The following TRIM48 variants were observed in gnomAD, a reference collection of about 807,000 sequenced individuals.
TRIM48 encodes the protein E3 ubiquitin-protein ligase TRIM48.
Under a neutral mutation model 29.5 loss-of-function variants are expected in TRIM48, and 31 were observed. The observed-to-expected ratio is 1.05, with a 90% CI of 0.79 to 1.42. The LOEUF (loss-of-function observed/expected upper bound fraction) is 1.42, where lower values mean the gene tolerates loss of function less well. Among genes scored for constraint, TRIM48 ranks in the 40% most tolerant of loss-of-function variants. The pLI is 0.00. For synonymous variants in TRIM48, 128 were observed against 90.6 expected, an observed-to-expected ratio of 1.41 and a Z score of -2.34; for missense variants, 344 against 265.0, an observed-to-expected ratio of 1.30 and a Z score of -2.07.
chr11:55,267,538 T>C, intron 3 of TRIM48: 3 of 1,575,960 alleles, frequency 1.9e-6, no homozygotes, highest in East Asian at 2.4e-5. Flanking sequence ...ATCAACTTCA[T>C]TTAAGTAAAG....
At chr11:55,263,913 C>CT (rs1199070887) in intron 1 of TRIM48, among the ~76,000 whole-genome samples, 1 of 152,130 alleles carries the variant, frequency 6.6e-6, no homozygotes, top group African/African-American at 2.4e-5. Context: ...TTCCTCTGGC[C>CT]TTTTCCTTTT....
chr11:55,265,010 G>A lies in TRIM48; in HGVS notation c.155G>A (p.Arg52Lys), dbSNP rs759459109. 4 of 1,584,656 alleles carry A rather than the reference G, an allele frequency of 2.5e-6. No homozygotes were observed. Among genetic ancestry groups the A allele is most frequent in the Non-Finnish European group, 3.4e-6 (4 of 1,166,448 alleles). The change falls in exon 2 of 6, where the codon AGG becomes AAG. Residue 52 changes from arginine to lysine, a missense_variant. Arg to Lys is a conservative substitution (Grantham distance 26). Transcript: ENST00000417545. ...VTIDCGHSFC[R>K]PCFYLNWQDI... ...ATAGACTGTGGGCACAGCTTTTGCAGGCCCTGTTTCTACCTCAACTGGCAA... is the reference window on the plus strand; with the variant it reads ...ATAGACTGTGGGCACAGCTTTTGCAAGCCCTGTTTCTACCTCAACTGGCAA...
At chr11:55,265,986 C>T (rs1229977961) in intron 3 of TRIM48, among the ~76,000 whole-genome samples, 1 of 147,340 alleles carries the variant, frequency 6.8e-6, no homozygotes, top group Non-Finnish European at 1.5e-5. Flanking sequence ...TCACAGCATT[C>T]TATATGTGCT....
chr11:55,263,821 A>G (rs183143887), intron 1 of TRIM48, among the ~76,000 whole-genome samples: 112 of 152,330 alleles, frequency 7.4e-4, no homozygotes, highest in African/African-American at 2.5e-3. Context: ...AAGCTGATGT[A>G]GTGAGGATAC....
In TRIM48 at chr11:55,270,535, C is replaced by A. The variant is rs879058588; in HGVS notation, c.*100C>A. The stretch of plus-strand genomic sequence containing the variant: ...TGGATGTGACCGTCAAAATCCGCCC[C>A]ATATCACTGCAACACCTACAAGTTT... On this transcript the variant is annotated 3_prime_UTR_variant, in exon 6 of 6. Transcript: ENST00000417545. 5.1e-6 allele frequency: 8 copies of A among 1,582,178 alleles called. 1 individual carries two copies. Among genetic ancestry groups the A allele is most frequent in the South Asian group, 2.4e-5 (2 of 83,604 alleles).
chr11:55,269,822 A>G (rs1468236706), intron 5 of TRIM48, among the ~76,000 whole-genome samples: 3 of 148,032 alleles, frequency 2.0e-5, no homozygotes, highest in Non-Finnish European at 4.5e-5. Flanking sequence ...AAAAGAAATC[A>G]TTTTGTGAAT....
In TRIM48 at chr11:55,270,704, G is replaced by A. The variant is rs575091406; in HGVS notation, c.*269G>A. ...AATGGCAATATATATGGAGAGGAGG[G>A]ACTCTTTAGTCTTGGGTGTGTTAAG... On this transcript the variant is annotated 3_prime_UTR_variant, in exon 6 of 6. Transcript: ENST00000417545. 6.4e-6 allele frequency: 10 copies of A among 1,560,528 alleles called. 2 individuals carry two copies. The African/African-American group carries it at 8.2e-5, about 13-fold the overall frequency.
rs1041484574 is a variant in TRIM48 at position 55,265,031 on chromosome 11, G to A, written c.176G>A (p.Trp59Ter). 4 of 1,583,976 alleles carry A rather than the reference G, an allele frequency of 2.5e-6. No individual in the cohort carries two copies. Among genetic ancestry groups the A allele is most frequent in the African/African-American group, 1.4e-5 (1 of 73,524 alleles). ...TGCAGGCCCTGTTTCTACCTCAACTGGCAAGACATCCCAATTCTTACTCAG... is the reference window on the plus strand; with the variant it reads ...TGCAGGCCCTGTTTCTACCTCAACTAGCAAGACATCCCAATTCTTACTCAG... Reference protein sequence around the residue: ...SFCRPCFYLNWQDIPILTQCF... With the variant: ...SFCRPCFYLN The change falls in exon 2 of 6, where the codon TGG becomes TAG. Residue 59 changes from tryptophan (W) to a stop codon, truncating the protein, a stop_gained. Coordinates refer to ENST00000417545, the MANE Select transcript of TRIM48 (RefSeq NM_024114.5). LOFTEE classifies it high-confidence loss of function.
Position 55,271,099 on chromosome 11 carries a change from A to G in TRIM48, c.*664A>G, listed in dbSNP as rs1857480482. 8 of 926,078 alleles carry G rather than the reference A, an allele frequency of 8.6e-6. 1 individual carries two copies. The highest frequency in any genetic ancestry group is 9.1e-6 in the Non-Finnish European group (6 of 661,448). 57.4% of individuals were successfully genotyped at this position (926,078 alleles called of 1,614,324 possible). A position where few individuals can be genotyped will look rare whatever the true frequency, so the allele number is the denominator to read the frequency against. On this transcript the variant is annotated 3_prime_UTR_variant, in exon 6 of 6. Coordinates refer to ENST00000417545, the MANE Select transcript of TRIM48 (RefSeq NM_024114.5). Reference sequence around the variant, plus strand: ...CATTTATTGTGTTACTATTAAATGTAGTAAAAACACTAAAAGTATATATAT... The same window carrying G: ...CATTTATTGTGTTACTATTAAATGTGGTAAAAACACTAAAAGTATATATAT...
chr11:55,263,130 T>C (rs1857330320), intron 1 of TRIM48, among the ~76,000 whole-genome samples: 1 of 152,102 alleles, frequency 6.6e-6, no homozygotes, highest in Admixed American at 6.6e-5. Context: ...AAACCACACA[T>C]GGTGGTCACA....
intron 3 of TRIM48, among the ~76,000 whole-genome samples, chr11:55,266,275 A>G (rs996457098): frequency 6.8e-6 from 1 of 147,870 alleles, no homozygotes; most frequent in South Asian, 2.4e-4. Flanking sequence ...CATGCCCAAA[A>G]TATGGGAACT....
chr11:55,269,595 C>A lies in TRIM48; in HGVS notation c.*1+256C>A, dbSNP rs1438245935. On this transcript the variant is annotated intron_variant, in intron 5 of 5. Coordinates refer to ENST00000417545, the MANE Select transcript of TRIM48 (RefSeq NM_024114.5). ...TAATGGGAAAAAAGGAGTAGTGTAG[C>A]AAATCTAAAAAAGGAGCAAATGGAA... 2.0e-4 allele frequency among the ~76,000 whole-genome samples: 29 copies of A among 147,188 alleles called. 2 individuals carry two copies. The highest frequency in any genetic ancestry group is 3.4e-4 in the Non-Finnish European group (23 of 66,784).
chr11:55,269,223 T>C lies in TRIM48; in HGVS notation c.579-19T>C. On this transcript the variant is annotated intron_variant, in intron 4 of 5. Coordinates refer to ENST00000417545, the MANE Select transcript of TRIM48 (RefSeq NM_024114.5). Reference sequence around the variant, plus strand: ...ATTTTATGGCTGTAGATGTTGTAACTGCAGGTTTTTCCTTGCAGGAGTGAG... The same window carrying C: ...ATTTTATGGCTGTAGATGTTGTAACCGCAGGTTTTTCCTTGCAGGAGTGAG... The C allele has an allele frequency of 6.4e-6, 10 of 1,571,180 alleles. No homozygotes were observed. Among genetic ancestry groups the C allele is most frequent in the Non-Finnish European group, 8.6e-6 (10 of 1,165,360 alleles).
intron 1 of TRIM48, among the ~76,000 whole-genome samples, chr11:55,262,919 A>G (rs1857326055): frequency 6.6e-6 from 1 of 152,136 alleles, no homozygotes. Context: ...TGACCTCTGG[A>G]GAATATTTAC....
chr11:55,264,260 C>A (rs1857352055), intron 1 of TRIM48, among the ~76,000 whole-genome samples: 1 of 148,008 alleles, frequency 6.8e-6, no homozygotes, highest in Admixed American at 6.8e-5. Flanking sequence ...TTCTATTCAA[C>A]CTAAATTGGT....
chr11:55,269,753 AT>A (rs1328691312), intron 5 of TRIM48, among the ~76,000 whole-genome samples: 1 of 147,700 alleles, frequency 6.8e-6, no homozygotes, highest in East Asian at 2.1e-4. Context: ...GGGTTTTTTA[AT>A]TTTTTAAATG....
intron 3 of TRIM48, among the ~76,000 whole-genome samples, chr11:55,266,009 G>T (rs1223047757): frequency 1.4e-5 from 2 of 147,208 alleles, no homozygotes; most frequent in African/African-American, 5.0e-5. Flanking sequence ...TTGGATAAAT[G>T]CTGGGCATAA....
intron 1 of TRIM48, among the ~76,000 whole-genome samples, chr11:55,263,197 A>G (rs1487709955): frequency 6.6e-6 from 1 of 152,178 alleles, no homozygotes; most frequent in Non-Finnish European, 1.5e-5. Flanking sequence ...ATGTTTACAT[A>G]CTAAATAATT....
At chr11:55,268,201 TC>T in intron 3 of TRIM48, 148 bp from the exon 4 acceptor site, 1 of 767,402 alleles carries the variant, frequency 1.3e-6, no homozygotes, top group Non-Finnish European at 2.1e-6. Flanking sequence ...ACTGGGTTTT[TC>T]ATTACAGAAG....
Sources: allele counts gnomAD v4.1 joint callset (sites outside exome capture counted in the v4.1 genomes callset), GRCh38; gene constraint gnomAD v4.1.1; transcripts MANE v1.5; gene names NCBI Gene and HGNC (gene_info 2026-07-23, HGNC 2026-07-21).